Variants in STAB2 observed in about 807,000 individuals in gnomAD.
The protein encoded by STAB2 is stabilin 2, also known as stabilin-2.
STAB2 carries 288 observed loss-of-function variants against 338.1 expected under a neutral mutation model. The ratio of observed to expected loss-of-function variants is 0.85; its 90% CI spans 0.77 to 0.94. The LOEUF (loss-of-function observed/expected upper bound fraction) is 0.94, where lower values mean the gene tolerates loss of function less well. STAB2 is among the 40% of genes least tolerant of loss of function. The pLI is 0.00. For missense variants in STAB2, 3,141 were observed against 3,210.1 expected, an observed-to-expected ratio of 0.98 and a Z score of 0.52; for synonymous variants, 1,202 against 1,193.3, an observed-to-expected ratio of 1.01 and a Z score of -0.15.
intron 9 of STAB2, among the ~76,000 whole-genome samples, chr12:103,647,433 A>G (rs703629): frequency 0.97 from 147,333 of 152,322 alleles, 71,378 homozygotes; most frequent in African/African-American, 0.99. Context: ...GTCACAGCAC[A>G]TCTTTTGTTC....
chr12:103,645,101 C>T (rs61020478), intron 9 of STAB2, among the ~76,000 whole-genome samples: 150 of 152,314 alleles, frequency 9.8e-4, no homozygotes, highest in African/African-American at 3.4e-3. Flanking sequence ...TATATACTAA[C>T]TAAATCTCAA....
At position 103,590,990 on chromosome 12, in the gene STAB2, A is replaced by G; in HGVS notation, c.175A>G (p.Thr59Ala). 1 of 1,614,126 alleles carries G rather than the reference A, an allele frequency of 6.2e-7. No individual in the cohort carries two copies. Reference protein sequence around the residue: ...NLGVKCPDGYTMITSGSVGVR... With the variant: ...NLGVKCPDGYAMITSGSVGVR... The stretch of plus-strand genomic sequence containing the variant: ...TGGAGTCAAGTGCCCGGATGGTTAC[A>G]CCATGATTACCAGTGGCTCTGTAGG... Residue 59 changes from threonine to alanine, a missense_variant, in exon 2 of 69, where the codon ACC (threonine) becomes GCC (alanine). Thr to Ala is a moderately conservative substitution (Grantham distance 58). Coordinates refer to ENST00000388887, the MANE Select transcript of STAB2 (RefSeq NM_017564.10).
At position 103,689,973 on chromosome 12, in the gene STAB2, C is replaced by A. The variant is rs752448561; in HGVS notation, c.3173C>A (p.Ala1058Asp). 11 of 1,613,098 alleles carry A rather than the reference C, an allele frequency of 6.8e-6. No individual in the cohort carries two copies. The South Asian group carries it at 8.8e-5, about 13-fold the overall frequency. ...SFWLSQSNIP[A>D]LIKYHMLLGT... ...TGGTTGTCACAGAGCAATATTCCAG[C>A]CCTAATAAAGTAGGTGTTACTTATT... Residue 1058 changes from alanine to aspartate, a missense_variant, in exon 29 of 69, where the codon GCC (alanine) becomes GAC (aspartate). Ala to Asp is a moderately radical substitution (Grantham distance 126). Coordinates refer to ENST00000388887, the MANE Select transcript of STAB2 (RefSeq NM_017564.10).
At chr12:103,764,964 T>C (rs950972518) in intron 68 of STAB2, among the ~76,000 whole-genome samples, 3 of 151,588 alleles carry the variant, frequency 2.0e-5, no homozygotes, top group Non-Finnish European at 4.4e-5. Flanking sequence ...GGTGCCTGCC[T>C]GTAATCCCAG....
At chr12:103,702,566 T>C (rs1045667730) in intron 34 of STAB2, among the ~76,000 whole-genome samples, 2 of 152,252 alleles carry the variant, frequency 1.3e-5, no homozygotes, top group Non-Finnish European at 2.9e-5. Context: ...CCCAAAGTGC[T>C]GGGATTACAG....
Position 103,708,099 on chromosome 12 carries a change from A to C in STAB2, c.4193-342A>C, listed in dbSNP as rs532273545. ...TCCTGAAGTCCATTCTTAAGGGGCA[A>C]ACGTGGTTCCAATCAAAGGAGCCCT... On this transcript the variant is annotated intron_variant, in intron 38 of 68. Transcript: ENST00000388887. 1.3e-4 allele frequency among the ~76,000 whole-genome samples: 20 copies of C among 152,294 alleles called. No homozygotes were observed. The East Asian group carries it at 3.9e-3, about 29-fold the overall frequency.
chr12:103,762,796 G>A (rs1049015944), intron 67 of STAB2, among the ~76,000 whole-genome samples: 2 of 152,228 alleles, frequency 1.3e-5, no homozygotes, highest in African/African-American at 4.8e-5. Flanking sequence ...CTGGGGGACA[G>A]GGCTAGGGAC....
intron 21 of STAB2, among the ~76,000 whole-genome samples, chr12:103,669,897 G>A (rs367799176): frequency 1.1e-4 from 17 of 152,168 alleles, no homozygotes; most frequent in Non-Finnish European, 2.4e-4. Flanking sequence ...TGGGCCTCAC[G>A]TTCCTCCTGT....
chr12:103,611,933 C>T (rs1273814848), intron 3 of STAB2, among the ~76,000 whole-genome samples: 1 of 152,140 alleles, frequency 6.6e-6, no homozygotes, highest in Non-Finnish European at 1.5e-5. Flanking sequence ...TTTTATTTCT[C>T]CTTCACTTAT....
At chr12:103,650,643 CT>C in intron 11 of STAB2, 65 bp downstream of exon 11, 1 of 1,328,654 alleles carries the variant, frequency 7.5e-7, no homozygotes, top group Non-Finnish European at 1.1e-6. Context: ...GGAGTACCTT[CT>C]TTTATTTAAA....
chr12:103,622,233 T>A, intron 5 of STAB2, 122 bp downstream of exon 5: 1 of 1,027,350 alleles, frequency 9.7e-7, no homozygotes, highest in Non-Finnish European at 1.4e-6. Flanking sequence ...TCAGCAGAAT[T>A]AAATTTAAAG....
intron 5 of STAB2, 118 bp from the exon 6 acceptor site, chr12:103,631,480 G>T: frequency 1.1e-6 from 1 of 941,264 alleles, no homozygotes; most frequent in African/African-American, 1.7e-5. Flanking sequence ...AGAGAGAGGA[G>T]CCAAAGTTCA....
intron 47 of STAB2, among the ~76,000 whole-genome samples, chr12:103,728,235 T>C (rs1881364191): frequency 6.6e-6 from 1 of 152,144 alleles, no homozygotes. Context: ...CACTGCAGCC[T>C]CTACCTCCTG....
At chr12:103,589,501 T>C (rs1234763517) in intron 1 of STAB2, among the ~76,000 whole-genome samples, 2 of 152,202 alleles carry the variant, frequency 1.3e-5, no homozygotes, top group African/African-American at 4.8e-5. Flanking sequence ...ATCCTACCCC[T>C]TCTCTCTACT....
chr12:103,726,659 T>C (rs543350730), intron 46 of STAB2, among the ~76,000 whole-genome samples: 2 of 152,290 alleles, frequency 1.3e-5, no homozygotes, highest in Admixed American at 6.5e-5. Flanking sequence ...AAGGTGTGAC[T>C]GGGACAGCTA....
intron 3 of STAB2, among the ~76,000 whole-genome samples, chr12:103,595,944 T>G (rs1234972068): frequency 6.6e-6 from 1 of 152,172 alleles, no homozygotes; most frequent in Non-Finnish European, 1.5e-5. Context: ...ATTAGACTCC[T>G]TGCCCTGGAA....
chr12:103,740,301 C>A (rs1310181718), intron 54 of STAB2, among the ~76,000 whole-genome samples: 1 of 152,100 alleles, frequency 6.6e-6, no homozygotes, highest in Admixed American at 6.5e-5. Context: ...TGCCCCACAC[C>A]CCTTCCATGA....
intron 48 of STAB2, among the ~76,000 whole-genome samples, chr12:103,729,894 G>GT (rs1881498956): frequency 6.6e-6 from 1 of 152,178 alleles, no homozygotes; most frequent in African/African-American, 2.4e-5. Flanking sequence ...TGAAATTACT[G>GT]TTTTAGATGA....
In STAB2 at chr12:103,689,903, T is replaced by G. The variant is rs148702625; in HGVS notation, c.3103T>G (p.Ser1035Ala). Reference sequence around the variant, plus strand: ...CTCAAACCTCACTGTCCTCGTGCCTTCCCAACAAGCTACTGAGGACATGGA... The same window carrying G: ...CTCAAACCTCACTGTCCTCGTGCCTGCCCAACAAGCTACTGAGGACATGGA... ...ATSNLTVLVP[S>A]QQATEDMDQD... is the part of the protein sequence containing the mutation. Residue 1035 changes from serine (S) to alanine (A), a missense_variant, in exon 29 of 69, where the codon TCC becomes GCC. By Grantham distance (99) the Ser-to-Ala change is moderately conservative (BLOSUM62 1). Transcript: ENST00000388887. The G allele has an allele frequency of 6.2e-6, 10 of 1,614,054 alleles. No homozygotes were observed. The South Asian group carries it at 6.6e-5, about 11-fold the overall frequency.
Sources: allele counts gnomAD v4.1 joint callset (sites outside exome capture counted in the v4.1 genomes callset), GRCh38; gene constraint gnomAD v4.1.1; transcripts MANE v1.5; gene names NCBI Gene and HGNC (gene_info 2026-07-23, HGNC 2026-07-21).